POU2F1: variants seen among roughly 807,000 people sequenced by gnomAD.
POU2F1 encodes the protein POU class 2 homeobox 1, also known as POU domain, class 2, transcription factor 1.
In POU2F1, 16 loss-of-function variants were observed where a neutral mutation model predicts 84.9. The observed-to-expected ratio is 0.19, with a 90% CI of 0.13 to 0.29. The LOEUF (loss-of-function observed/expected upper bound fraction) is 0.29. Ranked by LOEUF, POU2F1 falls within the 10% of genes least tolerant of loss-of-function variation. The probability of loss-of-function intolerance (pLI) is 1.00; values close to 1 mark genes in which losing one functional copy is unlikely to be tolerated. For synonymous variants in POU2F1, 368 were observed against 368.3 expected (o/e 1.00, Z 0.01); for missense variants, 738 against 942.6 (o/e 0.78, Z 2.84).
chr1:167,294,398 C>CA (rs1417260827), intron 1 of POU2F1, among the ~76,000 whole-genome samples: 3 of 151,704 alleles, frequency 2.0e-5, no homozygotes, highest in Non-Finnish European at 2.9e-5. Context: ...GAAGCAAATG[C>CA]AACAAAAACA....
intron 2 of POU2F1, among the ~76,000 whole-genome samples, chr1:167,339,725 G>T (rs1657709385): frequency 6.6e-6 from 1 of 152,032 alleles, no homozygotes; most frequent in South Asian, 2.1e-4. Context: ...TTAGGAGTTT[G>T]TCATCTTTTA....
intron 12 of POU2F1, among the ~76,000 whole-genome samples, chr1:167,399,577 G>A (rs891162905): frequency 3.3e-5 from 5 of 152,088 alleles, no homozygotes; most frequent in African/African-American, 9.7e-5. Context: ...CTCTGCTGAG[G>A]TCACTGGTCT....
chr1:167,333,469 A>G (rs1412771141), intron 2 of POU2F1, among the ~76,000 whole-genome samples: 1 of 152,236 alleles, frequency 6.6e-6, no homozygotes, highest in African/African-American at 2.4e-5. Flanking sequence ...CATTTTAAAA[A>G]TGCTTAACCA....
intron 1 of POU2F1, among the ~76,000 whole-genome samples, chr1:167,309,214 C>A (rs1314561643): frequency 6.6e-6 from 1 of 151,826 alleles, no homozygotes; most frequent in African/African-American, 2.4e-5. Context: ...TACTATTGCC[C>A]CCAGGCACTC....
intron 8 of POU2F1, among the ~76,000 whole-genome samples, chr1:167,387,846 C>T (rs1410722893): frequency 3.3e-5 from 5 of 152,122 alleles, no homozygotes; most frequent in Non-Finnish European, 7.4e-5. Context: ...TAAAAAGAGA[C>T]TATACCCTCA....
At chr1:167,255,116 A>G (rs1651034743) in intron 1 of POU2F1, among the ~76,000 whole-genome samples, 1 of 152,210 alleles carries the variant, frequency 6.6e-6, no homozygotes, top group South Asian at 2.1e-4. Flanking sequence ...AAATGACTCT[A>G]ATGCACGTTT....
chr1:167,328,298 A>G (rs1002866926), intron 1 of POU2F1, among the ~76,000 whole-genome samples: 14 of 152,206 alleles, frequency 9.2e-5, no homozygotes, highest in African/African-American at 1.2e-4. Context: ...ATGAATTTCT[A>G]TACTCTTTAA....
intron 1 of POU2F1, among the ~76,000 whole-genome samples, chr1:167,224,448 A>G (rs1021825084): frequency 3.3e-5 from 5 of 152,124 alleles, no homozygotes; most frequent in Admixed American, 2.0e-4. Context: ...TGCTTTTAAA[A>G]CAGATTTTTT....
chr1:167,269,637 G>A (rs1412935035), intron 1 of POU2F1, among the ~76,000 whole-genome samples: 1 of 152,142 alleles, frequency 6.6e-6, no homozygotes, highest in Non-Finnish European at 1.5e-5. Flanking sequence ...GTTGGGTTGG[G>A]CGCGGTGACT....
chr1:167,381,603 C>CTTTTTTTTTTTTT, intron 7 of POU2F1, among the ~76,000 whole-genome samples: 1 of 65,988 alleles, frequency 1.5e-5, no homozygotes, highest in Non-Finnish European at 2.7e-5. Context: ...GCTCTCTTCT[C>CTTTTTTTTTTTTT]TTTTTTTTTT....
intron 1 of POU2F1, among the ~76,000 whole-genome samples, chr1:167,227,726 C>T (rs1027515085): frequency 1.6e-4 from 25 of 151,976 alleles, no homozygotes; most frequent in Admixed American, 1.3e-3. Context: ...ATGACTGCTG[C>T]GGAGGAGTTG....
intron 1 of POU2F1, among the ~76,000 whole-genome samples, chr1:167,293,886 G>C (rs1346221619): frequency 6.6e-6 from 1 of 152,098 alleles, no homozygotes. Flanking sequence ...AAATGGTGCT[G>C]GGAGAACTGG....
chr1:167,329,405 G>T lies in POU2F1; in HGVS notation c.62-3065G>T, dbSNP rs963187216. ...ATGCTTAATCGCATATGCAGCCTGT[G>T]GCGGGGGAGGGGGAGAGTTGGACTG... On this transcript the variant is annotated intron_variant, in intron 1 of 15. Coordinates refer to ENST00000367866, the MANE Select transcript of POU2F1 (RefSeq NM_002697.4). 4.4e-6 allele frequency: 6 copies of T among 1,372,820 alleles called. No homozygotes were observed. The South Asian group carries it at 7.8e-5, about 18-fold the overall frequency. The allele number at this position is 1,372,820 out of a possible 1,614,324, so 85.0% of individuals were successfully genotyped here.
chr1:167,240,341 C>T (rs1269189265), intron 1 of POU2F1, among the ~76,000 whole-genome samples: 4 of 151,996 alleles, frequency 2.6e-5, no homozygotes, highest in Admixed American at 1.3e-4. Flanking sequence ...TGAAGAATTA[C>T]AAAATGTATG....
At chr1:167,327,434 A>G (rs1656780518) in intron 1 of POU2F1, among the ~76,000 whole-genome samples, 1 of 152,212 alleles carries the variant, frequency 6.6e-6, no homozygotes. Flanking sequence ...AGTAAAACAG[A>G]AAAACTGGTA....
intron 1 of POU2F1, among the ~76,000 whole-genome samples, chr1:167,288,719 T>C (rs1433283563): frequency 6.6e-6 from 1 of 152,184 alleles, no homozygotes; most frequent in African/African-American, 2.4e-5. Context: ...CAAAGATTTA[T>C]GTCTACTTAT....
intron 9 of POU2F1, among the ~76,000 whole-genome samples, chr1:167,395,561 A>G (rs906029285): frequency 1.3e-5 from 2 of 152,142 alleles, no homozygotes; most frequent in African/African-American, 4.8e-5. Flanking sequence ...TATACATAAT[A>G]TCTGTAGGTG....
chr1:167,410,736 G>A (rs760045252), intron 13 of POU2F1, among the ~76,000 whole-genome samples: 77 of 151,818 alleles, frequency 5.1e-4, no homozygotes, highest in Non-Finnish European at 7.6e-4. Flanking sequence ...GGCTGGTTTC[G>A]AGCTCCTGAC....
intron 1 of POU2F1, among the ~76,000 whole-genome samples, chr1:167,233,303 A>G (rs1392297620): frequency 5.0e-5 from 7 of 141,146 alleles, no homozygotes; most frequent in Non-Finnish European, 1.1e-4. Flanking sequence ...TGCCCAGCTA[A>G]TTTTTTTTTT....
Sources: gnomAD v4.1 joint callset for allele counts (sites outside exome capture counted in the v4.1 genomes callset) on GRCh38, gnomAD v4.1.1 for gene constraint, MANE v1.5 for transcripts, NCBI Gene and HGNC (gene_info 2026-07-23, HGNC 2026-07-21) for gene names.